Variants in IPO11 observed in about 807,000 individuals in gnomAD.
IPO11 encodes importin-11.
A neutral mutation model predicts 143.2 loss-of-function variants in IPO11; 66 were observed. The ratio of observed to expected loss-of-function variants is 0.46; its 90% CI spans 0.38 to 0.57. The LOEUF is 0.57. Among genes scored for constraint, IPO11 ranks in the 20% least tolerant of loss-of-function variants. The pLI, the probability that IPO11 is intolerant of heterozygous loss-of-function variation, is 0.00. For missense variants in IPO11, 1,026 were observed against 1,141.0 expected (o/e 0.90, Z 1.45); for synonymous variants, 385 against 377.8 (o/e 1.02, Z -0.22).
intron 9 of IPO11, among the ~76,000 whole-genome samples, chr5:62,481,688 G>A (rs747836161): frequency 1.3e-5 from 2 of 152,120 alleles, no homozygotes; most frequent in African/African-American, 4.8e-5. Context: ...GAGGATTTTC[G>A]CATTGATGTT....
At chr5:62,553,323 A>AGAGT (rs1257979144) in intron 26 of IPO11, among the ~76,000 whole-genome samples, 2 of 119,180 alleles carry the variant, frequency 1.7e-5, no homozygotes, top group African/African-American at 3.1e-5. Context: ...TATTCGTGTG[A>AGAGT]GTGTGTGTGT....
chr5:62,537,228 G>A lies in IPO11; in HGVS notation c.2189G>A (p.Cys730Tyr), dbSNP rs1742765074. ...EFLQTYAVGLCQSFCELLKEI... is the reference protein window; with the variant it reads ...EFLQTYAVGLYQSFCELLKEI... The stretch of plus-strand genomic sequence containing the variant: ...TTTCAGACATACGCAGTAGGTCTAT[G>A]CCAGTCCTTTTGTGAACTTTTAAAG... The change falls in exon 24 of 30, where the codon TGC becomes TAC. Residue 730 changes from cysteine (C) to tyrosine (Y), a missense_variant. Coordinates refer to ENST00000325324, the MANE Select transcript of IPO11 (RefSeq NM_016338.5). 1 of 1,605,272 alleles carries A rather than the reference G, an allele frequency of 6.2e-7. No individual in the cohort carries two copies. The highest frequency in any genetic ancestry group is 1.1e-5 in the South Asian group (1 of 90,386).
Position 62,451,730 on chromosome 5 carries a change from A to G in IPO11, c.313A>G (p.Ile105Val), listed in dbSNP as rs199856701. Residue 105 changes from isoleucine to valine, a missense_variant and splice_region_variant, in exon 5 of 30, where the codon ATT (isoleucine) becomes GTT (valine). Coordinates refer to ENST00000325324, the MANE Select transcript of IPO11 (RefSeq NM_016338.5). ...ITNFNEPINQIATQIAVLIAK... is the reference protein window; with the variant it reads ...ITNFNEPINQVATQIAVLIAK... ...CATTTGTTTAATTTTTTCCTTTCAGATTGCAACTCAGATTGCAGTGCTCAT... is the reference window on the plus strand; with the variant it reads ...CATTTGTTTAATTTTTTCCTTTCAGGTTGCAACTCAGATTGCAGTGCTCAT... 6.4e-5 allele frequency: 103 copies of G among 1,613,050 alleles called. No homozygotes were observed. Among genetic ancestry groups the G allele is most frequent in the Non-Finnish European group, 8.6e-5 (101 of 1,179,490 alleles).
chr5:62,556,370 C>T (rs551818097), intron 26 of IPO11, among the ~76,000 whole-genome samples: 1 of 152,086 alleles, frequency 6.6e-6, no homozygotes, highest in Non-Finnish European at 1.5e-5. Context: ...CTTAGCTTTG[C>T]GTATCATATA....
At chr5:62,541,508 C>T (rs558318643) in intron 24 of IPO11, among the ~76,000 whole-genome samples, 18 of 101,284 alleles carry the variant, frequency 1.8e-4, no homozygotes, top group Middle Eastern at 4.3e-3. Context: ...GGTGAGGCCC[C>T]GTCTTTACAA....
intron 27 of IPO11, among the ~76,000 whole-genome samples, chr5:62,577,041 G>C (rs1744339474): frequency 6.6e-6 from 1 of 152,206 alleles, no homozygotes; most frequent in Non-Finnish European, 1.5e-5. Context: ...AAGAGGTTGA[G>C]CGTAGTGTTC....
intron 27 of IPO11, among the ~76,000 whole-genome samples, chr5:62,566,973 A>G (rs905650028): frequency 3.3e-5 from 5 of 152,030 alleles, no homozygotes; most frequent in Non-Finnish European, 7.4e-5. Flanking sequence ...GACTACAGGC[A>G]TGGACCACCA....
chr5:62,419,960 C>A (rs1743441526), intron 1 of IPO11, among the ~76,000 whole-genome samples: 1 of 152,028 alleles, frequency 6.6e-6, no homozygotes, highest in Admixed American at 6.6e-5. Context: ...ATGATGCCGG[C>A]ATTGCTCTCT....
intron 29 of IPO11, among the ~76,000 whole-genome samples, chr5:62,625,491 G>T (rs1262725478): frequency 6.6e-6 from 1 of 152,194 alleles, no homozygotes; most frequent in Non-Finnish European, 1.5e-5. Flanking sequence ...CCCAGAGTCA[G>T]GAATTCTGGG....
intron 27 of IPO11, among the ~76,000 whole-genome samples, chr5:62,563,823 G>T (rs543621298): frequency 6.6e-6 from 1 of 152,098 alleles, no homozygotes; most frequent in Non-Finnish European, 1.5e-5. Flanking sequence ...TTGGATTAGG[G>T]ATGCTCAATC....
chr5:62,451,924 A>T lies in IPO11; in HGVS notation c.507A>T (p.Leu169=). ...ASKRLAADRK[L]FYDLASGIYN... is the part of the protein sequence containing the mutation. ...AACGACTTGCTGCTGATAGAAAACT[A>T]TTTTATGATGTAAGTGATTTCACAT... The change falls in exon 5 of 30, where the codon CTA becomes CTT. Residue 169 remains leucine, a synonymous_variant. Transcript: ENST00000325324. The T allele has an allele frequency of 6.2e-7, 1 of 1,611,658 alleles. No individual in the cohort carries two copies. The highest frequency in any genetic ancestry group is 1.3e-5 in the African/African-American group (1 of 74,980).
chr5:62,578,605 A>C, intron 27 of IPO11: 1 of 440,332 alleles, frequency 2.3e-6, no homozygotes, highest in East Asian at 7.3e-5. Flanking sequence ...CAATGTGTAT[A>C]TTAGGAAAAC....
At chr5:62,472,048 G>A (rs1255213836) in intron 7 of IPO11, among the ~76,000 whole-genome samples, 2 of 152,130 alleles carry the variant, frequency 1.3e-5, no homozygotes, top group African/African-American at 4.8e-5. Flanking sequence ...AAAGATTTTC[G>A]AGAAACCAAC....
chr5:62,545,527 A>G (rs1291246392), intron 24 of IPO11, among the ~76,000 whole-genome samples: 1 of 152,226 alleles, frequency 6.6e-6, no homozygotes, highest in Admixed American at 6.5e-5. Flanking sequence ...ACAATTCAGG[A>G]CATAGGCATG....
At chr5:62,508,894 T>C (rs1215650018) in intron 19 of IPO11, among the ~76,000 whole-genome samples, 1 of 152,102 alleles carries the variant, frequency 6.6e-6, no homozygotes, top group African/African-American at 2.4e-5. Flanking sequence ...CTGAGAATGA[T>C]GGTAATGATA....
chr5:62,413,373 T>G (rs999547911), intron 1 of IPO11: 1 of 152,210 alleles, frequency 6.6e-6, no homozygotes, highest in Non-Finnish European at 1.5e-5. Context: ...CTTTAAACAT[T>G]AGACCCTTAC....
At chr5:62,505,541 T>C (rs1213671419) in intron 18 of IPO11, among the ~76,000 whole-genome samples, 3 of 152,104 alleles carry the variant, frequency 2.0e-5, no homozygotes, top group Non-Finnish European at 4.4e-5. Flanking sequence ...AATAAAATAA[T>C]CACTAGACAT....
At chr5:62,455,586 G>A (rs1745110985) in intron 5 of IPO11, among the ~76,000 whole-genome samples, 1 of 152,106 alleles carries the variant, frequency 6.6e-6, no homozygotes, top group African/African-American at 2.4e-5. Flanking sequence ...AGTGCACAGG[G>A]TACACTTAAA....
chr5:62,628,440 A>G lies in IPO11; in HGVS notation c.*1122A>G, dbSNP rs189144778. The stretch of plus-strand genomic sequence containing the variant: ...AGGTTGGAAAATGTTTTATCTTTCT[A>G]TAGAAAGTTGGGTACAGTATGTAAC... On this transcript the variant is annotated 3_prime_UTR_variant, in exon 30 of 30. Transcript: ENST00000325324. The G allele has an allele frequency of 1.0e-4, 16 of 152,762 alleles. No homozygotes were observed. The East Asian group carries it at 2.5e-3, about 24-fold the overall frequency. The allele number at this position is 152,762 out of a possible 1,614,324, so 9.5% of individuals were successfully genotyped here.
Sources: gnomAD v4.1 joint callset for allele counts (sites outside exome capture counted in the v4.1 genomes callset) on GRCh38, gnomAD v4.1.1 for gene constraint, MANE v1.5 for transcripts, NCBI Gene and HGNC (gene_info 2026-07-23, HGNC 2026-07-21) for gene names.